Variants in OGFOD2 observed in about 807,000 individuals in gnomAD.
OGFOD2 encodes the protein 2-oxoglutarate and iron-dependent oxygenase domain-containing protein 2.
Under a neutral mutation model 31.1 loss-of-function variants are expected in OGFOD2, and 34 were observed. The ratio of observed to expected loss-of-function variants is 1.09; its 90% CI spans 0.83 to 1.45. The LOEUF is 1.45. OGFOD2 is among the 40% of genes most tolerant of loss of function. The pLI is 0.00. For synonymous variants in OGFOD2, 240 were observed against 192.3 expected, an observed-to-expected ratio of 1.25 and a Z score of -2.05; for missense variants, 537 against 433.9, an observed-to-expected ratio of 1.24 and a Z score of -2.11.
chr12:122,978,831 C>T (rs763913943), exon 6 of OGFOD2: 11 of 1,612,714 alleles, frequency 6.8e-6, no homozygotes, highest in African/African-American at 1.3e-5. Flanking sequence ...GCTGATGGCC[C>T]TGCTGTACCC....
intron 2 of OGFOD2, 165 bp downstream of exon 2, chr12:122,976,032 C>T (rs2037415858): frequency 4.9e-6 from 3 of 609,074 alleles, no homozygotes; most frequent in African/African-American, 3.7e-5. Context: ...TGAGTCTTGG[C>T]ACCAGGAGAG....
At chr12:122,979,453 G>A (rs1244756716) in exon 7 of OGFOD2, 44 of 1,353,482 alleles carry the variant, frequency 3.3e-5, no homozygotes, top group South Asian at 4.4e-5. Context: ...TTGGCTCAAC[G>A]GTGTGCCAGC....
At chr12:122,979,259 T>A in exon 7 of OGFOD2, 2 of 1,612,962 alleles carry the variant, frequency 1.2e-6, no homozygotes, top group East Asian at 2.2e-5. Flanking sequence ...TGTGCTGCCG[T>A]GAGCCCGACC....
rs945966208 is a variant in OGFOD2 at position 122,975,513 on chromosome 12, C to T, written c.132+130C>T. 6.7e-6 allele frequency: 4 copies of T among 593,758 alleles called. No homozygotes were observed. The Admixed American group carries it at 1.2e-4, about 17-fold the overall frequency. 36.8% of individuals were successfully genotyped at this position (593,758 alleles called of 1,614,324 possible). On this transcript the variant is annotated intron_variant, in intron 1 of 6. Coordinates refer to ENST00000228922, the Ensembl canonical transcript of OGFOD2. ...TCTTCAAATACAAGAATGACGGCCT[C>T]TCTCTGCCTCGGTTTTCTCACCGTA... is the stretch of plus-strand genomic sequence containing the variant.
chr12:122,975,131 C>T (rs1594092998), upstream of OGFOD2: 4 of 508,438 alleles, frequency 7.9e-6, no homozygotes, highest in Non-Finnish European at 1.4e-5. Context: ...GGTGCGTCTT[C>T]GTCCTTTTCC....
At chr12:122,976,012 C>A (rs967324920) in intron 2 of OGFOD2, 145 bp downstream of exon 2, 2 of 623,432 alleles carry the variant, frequency 3.2e-6, no homozygotes, top group East Asian at 5.5e-5. Context: ...CCCACTCATC[C>A]CTCCACACCT....
intron 2 of OGFOD2, 58 bp downstream of exon 2, chr12:122,975,925 A>C: frequency 1.4e-6 from 1 of 691,810 alleles, no homozygotes. Flanking sequence ...CCGCAGCTTG[A>C]GGACACAGCT....
exon 7 of OGFOD2, chr12:122,979,192 G>T: frequency 6.2e-7 from 1 of 1,612,108 alleles, no homozygotes; most frequent in Non-Finnish European, 8.5e-7. Flanking sequence ...ACTGGTGAGC[G>T]TTGGAACCTT....
intron 4 of OGFOD2, 78 bp downstream of exon 4, chr12:122,977,048 C>T (rs374013840): frequency 1.5e-6 from 2 of 1,378,494 alleles, no homozygotes; most frequent in Non-Finnish European, 2.0e-6. Context: ...GCTGGGGTCC[C>T]TCCAGCCACC....
intron 4 of OGFOD2, 83 bp from the exon 5 acceptor site, chr12:122,978,359 G>A: frequency 6.4e-7 from 1 of 1,559,136 alleles, no homozygotes; most frequent in Non-Finnish European, 8.8e-7. Flanking sequence ...CCATGGCACA[G>A]GTGATGAAAC....
exon 6 of OGFOD2, chr12:122,978,980 G>C (rs578085350): frequency 1.2e-6 from 2 of 1,613,078 alleles, no homozygotes; most frequent in South Asian, 1.1e-5. Context: ...TCTTCACAGG[G>C]GGCGCCCTGT....
chr12:122,975,876 C>T lies in OGFOD2; in HGVS notation c.189+9C>T, dbSNP rs1279862697. On this transcript the variant is annotated intron_variant, in intron 2 of 6. Coordinates refer to ENST00000228922, the Ensembl canonical transcript of OGFOD2. ...AGCAGCTGTTAGCAGAGGTACCAGT[C>T]CCCTGCCCCTGCACAGCTCCTCCTC... The T allele has an allele frequency of 5.7e-6, 4 of 702,442 alleles. No homozygotes were observed. The highest frequency in any genetic ancestry group is 1.0e-5 in the Non-Finnish European group (4 of 384,524). The allele number at this position is 702,442 out of a possible 1,614,324, so 43.5% of individuals were successfully genotyped here.
chr12:122,978,512 G>A, exon 5 of OGFOD2: 1 of 1,613,520 alleles, frequency 6.2e-7, no homozygotes, highest in Non-Finnish European at 8.5e-7. Context: ...AAGAGCTGGA[G>A]CACTTCGAGC....
Position 122,978,451 on chromosome 12 carries a change from G to GC in OGFOD2, c.414dup (p.Ile139HisfsTer29). The GC allele has an allele frequency of 6.2e-7, 1 of 1,613,500 alleles. No homozygotes were observed. The highest frequency in any genetic ancestry group is 1.1e-5 in the South Asian group (1 of 91,088). ...ATCCCTCCTTCCACAGAGGAGAAGC[G>GC]CATCTACCGGGTGCCTGTTTTCACA... On this transcript the variant is annotated frameshift_variant, in exon 5 of 7. Transcript: ENST00000228922. LOFTEE classifies it high-confidence loss of function.
At chr12:122,974,911 C>CG (rs1278007590), upstream of OGFOD2, 8 of 205,466 alleles carry the variant, frequency 3.9e-5, no homozygotes, top group East Asian at 1.1e-4. Context: ...GGGCAGACGG[C>CG]GGGGGGTGGG....
intron 1 of OGFOD2, 160 bp downstream of exon 1, chr12:122,975,543 G>A (rs2037392236): frequency 3.4e-6 from 2 of 595,492 alleles, no homozygotes; most frequent in South Asian, 2.0e-5. Flanking sequence ...ACCGTAAAGG[G>A]GTAATAGTAT....
At chr12:122,976,379 CT>C in intron 2 of OGFOD2, 1 of 1,613,900 alleles carries the variant, frequency 6.2e-7, no homozygotes, top group South Asian at 1.1e-5. Context: ...TCTCCTGTCC[CT>C]GTGTGGGCCC....
At chr12:122,979,260 G>A in exon 7 of OGFOD2, 1 of 1,613,006 alleles carries the variant, frequency 6.2e-7, no homozygotes, top group African/African-American at 1.3e-5. Context: ...GTGCTGCCGT[G>A]AGCCCGACCT....
At chr12:122,976,719 C>A in exon 3 of OGFOD2, 4 of 1,613,830 alleles carry the variant, frequency 2.5e-6, no homozygotes, top group Non-Finnish European at 2.5e-6. Flanking sequence ...AAGCCCTCAT[C>A]GCGAGTTCCT....
Sources: allele counts gnomAD v4.1 joint callset, GRCh38; gene constraint gnomAD v4.1.1; transcripts MANE v1.5; gene names NCBI Gene and HGNC (gene_info 2026-07-23, HGNC 2026-07-21).